The following FANCA variants were observed in gnomAD, a reference collection of about 807,000 sequenced individuals.
FANCA encodes FA complementation group A.
A neutral mutation model predicts 194.3 loss-of-function variants in FANCA; 236 were observed. That is an observed-to-expected ratio of 1.21 (90% CI 1.09 to 1.35). FANCA has a LOEUF of 1.35. Ranked by LOEUF, FANCA falls within the 40% of genes most tolerant of loss-of-function variation. The probability of loss-of-function intolerance (pLI) is 0.00; values close to 1 mark genes in which losing one functional copy is unlikely to be tolerated. For synonymous variants in FANCA, 1,014 were observed against 715.8 expected, an observed-to-expected ratio of 1.42 and a Z score of -6.65; for missense variants, 2,628 against 1,813.9, an observed-to-expected ratio of 1.45 and a Z score of -8.15.
chr16:89,812,331 T>G (rs1946005637), intron 3 of FANCA, among the ~76,000 whole-genome samples: 1 of 146,824 alleles, frequency 6.8e-6, no homozygotes, highest in Non-Finnish European at 1.5e-5. Flanking sequence ...GAGCCAGACT[T>G]CATCTCAAAA....
intron 27 of FANCA, among the ~76,000 whole-genome samples, chr16:89,766,023 G>C (rs1465751978): frequency 4.0e-5 from 6 of 151,196 alleles, no homozygotes; most frequent in Non-Finnish European, 7.4e-5. Context: ...TTGAGGTGGA[G>C]TCTCGCTCTG....
In FANCA at chr16:89,758,462, G is replaced by A. The variant is rs576795962; in HGVS notation, c.2981+115C>T. On this transcript the variant is annotated intron_variant, in intron 30 of 42. Coordinates refer to ENST00000389301, the MANE Select transcript of FANCA (RefSeq NM_000135.4). ...GACATTTGGGTATAGGCTGGGAAAGGCAGACCCACCCTAAGCTAATTAGAT... is the reference window on the plus strand; with the variant it reads ...GACATTTGGGTATAGGCTGGGAAAGACAGACCCACCCTAAGCTAATTAGAT... The A allele has an allele frequency of 2.7e-5, 35 of 1,297,120 alleles. No homozygotes were observed. In the South Asian group the frequency reaches 3.3e-4, roughly 12 times the overall value. The allele number at this position is 1,297,120 out of a possible 1,614,324, so 80.4% of individuals were successfully genotyped here. A position where few individuals can be genotyped will look rare whatever the true frequency, so the allele number is the denominator to read the frequency against.
At position 89,808,930 on chromosome 16, in the gene FANCA, G is replaced by C. The variant is rs925219068; in HGVS notation, c.523-563C>G. ...ACTCTATTTTTTTTTTTTTGAGACA[G>C]AGTCGCGCTCTGTCACCCAGGCTGG... On this transcript the variant is annotated intron_variant, in intron 5 of 42. Transcript: ENST00000389301. 3.1e-4 allele frequency among the ~76,000 whole-genome samples: 47 copies of C among 150,278 alleles called. 1 individual carries two copies. Among genetic ancestry groups the C allele is most frequent in the African/African-American group, 1.1e-3 (43 of 40,794 alleles).
At chr16:89,792,402 C>A in intron 12 of FANCA, 69 bp downstream of exon 12, 1 of 1,500,636 alleles carries the variant, frequency 6.7e-7, no homozygotes. Flanking sequence ...GGCAGCATGA[C>A]AAGTACTAGG....
rs138944849 is a variant in FANCA at position 89,744,418 on chromosome 16, G to T, written c.3626+541C>A. 1.2e-3 allele frequency among the ~76,000 whole-genome samples: 180 copies of T among 152,208 alleles called. 1 individual carries two copies. The highest frequency in any genetic ancestry group is 4.1e-3 in the African/African-American group (172 of 41,546). Reference sequence around the variant, plus strand: ...AGAAGGGTGTGTGAGCCTGGATTGCGCCAGGAGCTTGATGGTTTGCAAGGA... The same window carrying T: ...AGAAGGGTGTGTGAGCCTGGATTGCTCCAGGAGCTTGATGGTTTGCAAGGA... On this transcript the variant is annotated intron_variant, in intron 36 of 42. Coordinates refer to ENST00000389301, the MANE Select transcript of FANCA (RefSeq NM_000135.4).
At chr16:89,771,343 C>A (rs564453736) in intron 23 of FANCA, among the ~76,000 whole-genome samples, 1 of 151,780 alleles carries the variant, frequency 6.6e-6, no homozygotes, top group Admixed American at 6.6e-5. Flanking sequence ...CCTGTAGTCC[C>A]AGCTACTCGG....
rs1216251156 is a variant in FANCA, at chr16:89,738,410, G to GA, written c.*190dup. Reference sequence around the variant, plus strand: ...CTCAAGTAGCCTTCCTCTGCTCTGGGACCAGTGGTTTATTTTCCCGCAAAC... The same window carrying GA: ...CTCAAGTAGCCTTCCTCTGCTCTGGGAACCAGTGGTTTATTTTCCCGCAAAC... On this transcript the variant is annotated 3_prime_UTR_variant, in exon 43 of 43. Transcript: ENST00000389301. 1 of 1,374,134 alleles carries GA rather than the reference G, an allele frequency of 7.3e-7. No homozygotes were observed. Among genetic ancestry groups the GA allele is most frequent in the East Asian group, 2.5e-5 (1 of 39,992 alleles). The allele number at this position is 1,374,134 out of a possible 1,614,324, so 85.1% of individuals were successfully genotyped here.
At chr16:89,766,877 T>C (rs933044039) in intron 27 of FANCA, among the ~76,000 whole-genome samples, 1 of 152,252 alleles carries the variant, frequency 6.6e-6, no homozygotes, top group Non-Finnish European at 1.5e-5. Flanking sequence ...AATTACAGAC[T>C]TGTAGTTGTC....
rs2143680511 is a variant in FANCA at position 89,811,014 on chromosome 16, G to A, written c.341C>T (p.Ala114Val). 1 of 1,614,036 alleles carries A rather than the reference G, an allele frequency of 6.2e-7. No homozygotes were observed. The highest frequency in any genetic ancestry group is 2.2e-5 in the East Asian group (1 of 44,888). Reference protein sequence around the residue: ...RLGVPVGILSAGMVASSVGQI... With the variant: ...RLGVPVGILSVGMVASSVGQI... ...TCCCACGCTAGAGGCAACCATCCCG[G>A]CTGAGAGAATACCCACGGGAACCCC... The change falls in exon 4 of 43, where the codon GCC (alanine) becomes GTC (valine). Residue 114 changes from alanine to valine, a missense_variant. Ala to Val is a moderately conservative substitution (Grantham distance 64, BLOSUM62 0). Transcript: ENST00000389301.
intron 30 of FANCA, 98 bp from the exon 31 acceptor site, chr16:89,752,320 T>C (rs2038624630): frequency 1.0e-6 from 1 of 973,478 alleles, no homozygotes; most frequent in Non-Finnish European, 1.7e-6. Flanking sequence ...ATGGCTGTGC[T>C]TCTCTGACAG....
intron 27 of FANCA, 132 bp from the exon 28 acceptor site, chr16:89,765,198 A>G: frequency 9.2e-7 from 1 of 1,090,660 alleles, no homozygotes; most frequent in South Asian, 1.3e-5. Flanking sequence ...ACCTCAGTCC[A>G]GCCCCTGGGA....
rs751741235 is a variant in FANCA at position 89,737,930 on chromosome 16, C to G, written c.*671G>C. 1.2e-6 allele frequency: 2 copies of G among 1,610,402 alleles called. No individual in the cohort carries two copies. The highest frequency in any genetic ancestry group is 2.2e-5 in the East Asian group (1 of 44,824). On this transcript the variant is annotated 3_prime_UTR_variant, in exon 43 of 43. Coordinates refer to ENST00000389301, the MANE Select transcript of FANCA (RefSeq NM_000135.4). ...AGTAAGTGTGAGTCAGGACCCCCTC[C>G]CAGGGCTGTGGCCCTCGCACCTTCT...
intron 37 of FANCA, 40 bp downstream of exon 37, chr16:89,742,760 T>C: frequency 6.2e-7 from 1 of 1,609,072 alleles, no homozygotes; most frequent in Non-Finnish European, 8.5e-7. Flanking sequence ...GAAACCAAGC[T>C]TGCGAGAAAA....
chr16:89,766,607 T>C (rs2039136222), intron 27 of FANCA, among the ~76,000 whole-genome samples: 1 of 151,148 alleles, frequency 6.6e-6, no homozygotes, highest in Non-Finnish European at 1.5e-5. Context: ...CCCAGCAACT[T>C]GGGAAGCTAA....
At chr16:89,764,554 C>T (rs1358411514) in intron 28 of FANCA, among the ~76,000 whole-genome samples, 2 of 152,202 alleles carry the variant, frequency 1.3e-5, no homozygotes, top group Admixed American at 1.3e-4. Context: ...GATCAACCCG[C>T]CTTGGCCTCC....
chr16:89,778,447 C>CA (rs2039587710), intron 20 of FANCA: 1 of 289,296 alleles, frequency 3.5e-6, no homozygotes. Flanking sequence ...GCCTGGGCAA[C>CA]AGAGCGAGAC....
intron 30 of FANCA, among the ~76,000 whole-genome samples, chr16:89,755,474 G>A (rs948769119): frequency 1.1e-4 from 17 of 152,114 alleles, no homozygotes; most frequent in African/African-American, 4.1e-4. Flanking sequence ...CAAAGTGCTG[G>A]GATTACAGGC....
At chr16:89,741,960 T>C (rs2062144010) in intron 37 of FANCA, among the ~76,000 whole-genome samples, 1 of 150,612 alleles carries the variant, frequency 6.6e-6, no homozygotes, top group African/African-American at 2.5e-5. Flanking sequence ...TTTTAATTTT[T>C]ACTTTAAACA....
intron 9 of FANCA, 73 bp downstream of exon 9, chr16:89,799,532 G>T: frequency 7.2e-7 from 1 of 1,383,938 alleles, no homozygotes; most frequent in Non-Finnish European, 1.0e-6. Flanking sequence ...AAATGGAAAG[G>T]CAGAAAACTG....
Sources: allele counts gnomAD v4.1 joint callset (sites outside exome capture counted in the v4.1 genomes callset), GRCh38; gene constraint gnomAD v4.1.1; transcripts MANE v1.5; gene names NCBI Gene and HGNC (gene_info 2026-07-23, HGNC 2026-07-21).